Variants in SMYD3 observed in about 807,000 individuals in gnomAD.
The protein encoded by SMYD3 is SET and MYND domain containing 3, also known as histone-lysine N-methyltransferase SMYD3.
Under a neutral mutation model 57.7 loss-of-function variants are expected in SMYD3, and 36 were observed. The observed-to-expected ratio is 0.62, with a 90% CI of 0.48 to 0.82. The LOEUF (loss-of-function observed/expected upper bound fraction) is 0.82, where lower values mean the gene tolerates loss of function less well. Among genes scored for constraint, SMYD3 ranks in the 40% least tolerant of loss-of-function variants. The pLI, the probability that SMYD3 is intolerant of heterozygous loss-of-function variation, is 0.00. For missense variants in SMYD3, 515 were observed against 538.8 expected (o/e 0.96, Z 0.44); for synonymous variants, 211 against 195.0 (o/e 1.08, Z -0.68).
At position 246,507,177 on chromosome 1, in the gene SMYD3, C is replaced by A; in HGVS notation, c.41G>T (p.Arg14Met). Residue 14 changes from arginine to methionine, a missense_variant, in exon 1 of 12, where the codon AGG (arginine) becomes ATG (methionine). By Grantham distance (91) the Arg-to-Met change is moderately conservative. Coordinates refer to ENST00000490107, the MANE Select transcript of SMYD3 (RefSeq NM_001167740.2). ...LKVEKFATAK[R>M]GNGLRAVTPL... ...GGTCACGGCGCGCAGCCCGTTTCCC[C>A]TCTTGGCGGTTGCGAACTTTTCCAC... is the stretch of plus-strand genomic sequence containing the variant. 1 of 1,532,250 alleles carries A rather than the reference C, an allele frequency of 6.5e-7. No homozygotes were observed. Among genetic ancestry groups the A allele is most frequent in the Non-Finnish European group, 8.8e-7 (1 of 1,139,570 alleles). The allele number at this position is 1,532,250 out of a possible 1,614,324, so 94.9% of individuals were successfully genotyped here. A position where few individuals can be genotyped will look rare whatever the true frequency, so the allele number is the denominator to read the frequency against.
intron 9 of SMYD3, among the ~76,000 whole-genome samples, chr1:245,859,129 G>A (rs1311832206): frequency 6.6e-6 from 1 of 152,134 alleles, no homozygotes; most frequent in Non-Finnish European, 1.5e-5. Flanking sequence ...GTTTGCTTCT[G>A]TGTTACCTGA....
At chr1:246,440,828 C>G (rs1011168955) in intron 1 of SMYD3, among the ~76,000 whole-genome samples, 1 of 152,174 alleles carries the variant, frequency 6.6e-6, no homozygotes, top group Non-Finnish European at 1.5e-5. Context: ...TTGGGGCTTT[C>G]GCATCTGTGA....
At chr1:246,362,491 C>T (rs1313952031) in intron 1 of SMYD3, among the ~76,000 whole-genome samples, 4 of 143,258 alleles carry the variant, frequency 2.8e-5, no homozygotes, top group South Asian at 2.2e-4. Context: ...TCTCTTTCCA[C>T]GGTCTCCCTC....
chr1:245,876,403 A>C (rs759763179), intron 8 of SMYD3, among the ~76,000 whole-genome samples: 3 of 152,246 alleles, frequency 2.0e-5, no homozygotes, highest in Admixed American at 1.3e-4. Context: ...TCCAATGCAC[A>C]GTCTGGGCCA....
At chr1:246,362,752 G>A (rs927371169) in intron 1 of SMYD3, among the ~76,000 whole-genome samples, 1 of 152,246 alleles carries the variant, frequency 6.6e-6, no homozygotes, top group Non-Finnish European at 1.5e-5. Context: ...ACGGAGTCTC[G>A]TTCACTCAGT....
At chr1:246,414,717 G>GT (rs1311609589) in intron 1 of SMYD3, among the ~76,000 whole-genome samples, 46,557 of 123,084 alleles carry the variant, frequency 0.38, 9,848 homozygotes, top group East Asian at 0.54. Flanking sequence ...TTTTTTGCTG[G>GT]TTTTTTTTTT....
chr1:245,934,176 C>T (rs1444164342), intron 5 of SMYD3, among the ~76,000 whole-genome samples: 1 of 152,126 alleles, frequency 6.6e-6, no homozygotes, highest in East Asian at 1.9e-4. Flanking sequence ...AGTTTACTAA[C>T]TAGAGGGACT....
At chr1:245,999,087 TG>T (rs2058986891) in intron 5 of SMYD3, among the ~76,000 whole-genome samples, 1 of 152,106 alleles carries the variant, frequency 6.6e-6, no homozygotes, top group Non-Finnish European at 1.5e-5. Flanking sequence ...AGACTGTGGA[TG>T]TAATTAATAT....
intron 5 of SMYD3, among the ~76,000 whole-genome samples, chr1:246,164,465 T>G (rs577677708): frequency 3.3e-5 from 5 of 152,026 alleles, no homozygotes; most frequent in East Asian, 1.9e-4. Flanking sequence ...AAATAAGACT[T>G]CTCTCATGAG....
chr1:245,809,317 T>C (rs139802032), intron 10 of SMYD3, among the ~76,000 whole-genome samples: 1 of 152,308 alleles, frequency 6.6e-6, no homozygotes, highest in East Asian at 1.9e-4. Flanking sequence ...CAACCCTCTG[T>C]ATGAAACCTG....
At chr1:246,271,239 T>C (rs2064214773) in intron 5 of SMYD3, among the ~76,000 whole-genome samples, 1 of 152,222 alleles carries the variant, frequency 6.6e-6, no homozygotes, top group Non-Finnish European at 1.5e-5. Flanking sequence ...TCTTCTCCCA[T>C]ACTCTGGGTT....
At chr1:246,046,058 A>G (rs75714073) in intron 5 of SMYD3, among the ~76,000 whole-genome samples, 70,530 of 152,036 alleles carry the variant, frequency 0.46, 17,814 homozygotes, top group East Asian at 0.8. Flanking sequence ...ATTGCGGAAG[A>G]CAGTGTGGCA....
intron 11 of SMYD3, among the ~76,000 whole-genome samples, chr1:245,759,847 A>G (rs2045768100): frequency 6.6e-6 from 1 of 152,172 alleles, no homozygotes; most frequent in Admixed American, 6.5e-5. Flanking sequence ...AAGCAACTAC[A>G]CTAGGGCCAG....
chr1:246,290,072 TGA>T (rs1254955348), intron 5 of SMYD3, among the ~76,000 whole-genome samples: 5 of 152,082 alleles, frequency 3.3e-5, no homozygotes, highest in African/African-American at 4.8e-5. Flanking sequence ...AATCTTCAAA[TGA>T]TGTTCAAATA....
At chr1:245,840,547 C>A (rs12066580) in intron 10 of SMYD3, among the ~76,000 whole-genome samples, 81,982 of 151,794 alleles carry the variant, frequency 0.54, 24,732 homozygotes, top group Non-Finnish European at 0.69. Flanking sequence ...TGAGGTGTCA[C>A]AGGTTGCCAA....
At chr1:246,310,786 C>T (rs2065063650) in intron 5 of SMYD3, among the ~76,000 whole-genome samples, 1 of 149,866 alleles carries the variant, frequency 6.7e-6, no homozygotes, top group Non-Finnish European at 1.5e-5. Context: ...TCTCCTGTCT[C>T]AGTCTCCCGA....
chr1:246,460,633 G>T (rs1252870765), intron 1 of SMYD3, among the ~76,000 whole-genome samples: 1 of 152,160 alleles, frequency 6.6e-6, no homozygotes, highest in African/African-American at 2.4e-5. Context: ...TGCCAAGGAA[G>T]AAGTCAGTCA....
intron 10 of SMYD3, among the ~76,000 whole-genome samples, chr1:245,843,540 ATGTGTGTGTGTGTGTGTGTGTG>A (rs10531765): frequency 6.7e-6 from 1 of 149,550 alleles, no homozygotes; most frequent in African/African-American, 2.5e-5. Context: ...GTATATATAT[ATGTGTGTGTGTGTGTGTGTGTG>A]TGTGTGTGTG....
chr1:246,138,823 A>G (rs888107963), intron 5 of SMYD3, among the ~76,000 whole-genome samples: 1 of 152,164 alleles, frequency 6.6e-6, no homozygotes, highest in African/African-American at 2.4e-5. Flanking sequence ...TATTTTCTAA[A>G]TGCTCAGGTC....
Sources: allele counts gnomAD v4.1 joint callset (sites outside exome capture counted in the v4.1 genomes callset), GRCh38; gene constraint gnomAD v4.1.1; transcripts MANE v1.5; gene names NCBI Gene and HGNC (gene_info 2026-07-23, HGNC 2026-07-21).